The following ATRX variants were observed in gnomAD, a reference collection of about 807,000 sequenced individuals.
ATRX encodes the protein ATRX chromatin remodeler, also known as chromatin remodeler ATRX.
In ATRX, 12 loss-of-function variants were observed where a neutral mutation model predicts 172.6. The ratio of observed to expected loss-of-function variants is 0.07; its 90% CI spans 0.04 to 0.11. ATRX has a LOEUF of 0.11. ATRX is among the 10% of genes least tolerant of loss of function. The pLI is 1.00. For missense variants in ATRX, 1,368 were observed against 1,767.4 expected, an observed-to-expected ratio of 0.77 and a Z score of 4.05; for synonymous variants, 674 against 594.7, an observed-to-expected ratio of 1.13 and a Z score of -1.94.
chrX:77,611,251 C>T (rs1423886871), intron 22 of ATRX, among the ~76,000 whole-genome samples: 2 of 111,294 alleles, frequency 1.8e-5, no homozygotes, highest in Non-Finnish European at 3.8e-5. Context: ...TAAATCTCTG[C>T]ATACATTTCT....
chrX:77,652,655 A>C (rs1557117741), intron 14 of ATRX, among the ~76,000 whole-genome samples: 1 of 108,512 alleles, frequency 9.2e-6, no homozygotes, highest in East Asian at 2.9e-4. Context: ...CAAAAAAAAA[A>C]AATTAGCCGG....
intron 27 of ATRX, among the ~76,000 whole-genome samples, chrX:77,587,537 C>T (rs1349013026): frequency 8.9e-6 from 1 of 111,987 alleles, no homozygotes; most frequent in African/African-American, 3.2e-5. Flanking sequence ...TTCCTTCACA[C>T]TATGATTAGA....
Position 77,682,225 on chromosome X carries a change from A to G in ATRX, c.3031T>C (p.Ser1011Pro). The G allele has an allele frequency of 8.3e-7, 1 of 1,209,667 alleles. No homozygotes were observed. The highest frequency in any genetic ancestry group is 1.7e-5 in the African/African-American group (1 of 57,739). ...AACTTTTCAGTGCCATCAGATGAAGATTCATACTGTTGTTCCATTTTAATT... is the reference window on the plus strand; with the variant it reads ...AACTTTTCAGTGCCATCAGATGAAGGTTCATACTGTTGTTCCATTTTAATT... Reference protein sequence around the residue: ...KVIKMEQQYESSSDGTEKLPE... With the variant: ...KVIKMEQQYEPSSDGTEKLPE... The change falls in exon 9 of 35, where the codon TCT (serine) becomes CCT (proline). Residue 1011 changes from serine (S) to proline (P), a missense_variant. Physicochemically the swap from Ser to Pro is moderately conservative, Grantham distance 74 (BLOSUM62 -1). This residue lies in a region of ATRX where 843 missense variants were observed against 643.1 expected (regional missense o/e 1.31). Coordinates refer to ENST00000373344, the MANE Select transcript of ATRX (RefSeq NM_000489.6).
At chrX:77,675,038 A>C (rs2070797411) in intron 10 of ATRX, 1 of 112,450 alleles carries the variant, frequency 8.9e-6, no homozygotes, top group South Asian at 3.6e-4. Context: ...AATTAGCAGA[A>C]TGCTGACCTT....
chrX:77,630,646 TCTTTTCAACAAATGGTGTTAGAACAA>T (rs2068066121), intron 19 of ATRX, among the ~76,000 whole-genome samples: 1 of 112,076 alleles, frequency 8.9e-6, no homozygotes, highest in Admixed American at 9.5e-5. Context: ...GAAAGAATAG[TCTTTTCAACAAATGGTGTTAGAACAA>T]CTGGATATCA....
At chrX:77,656,480 T>A (rs1557119927) in intron 13 of ATRX, 80 bp downstream of exon 13, 2 of 728,947 alleles carry the variant, frequency 2.7e-6, no homozygotes, top group Non-Finnish European at 4.3e-6. Context: ...ACTTTATTGG[T>A]AACAGTAACC....
At chrX:77,590,426 C>T (rs914932042) in intron 26 of ATRX, among the ~76,000 whole-genome samples, 9 of 109,137 alleles carry the variant, frequency 8.2e-5, no homozygotes, top group African/African-American at 2.7e-4. Context: ...CTGGCTAACA[C>T]GGTGAAATTC....
rs782014998 is a variant in ATRX, at chrX:77,752,916, G to C, written c.20+33066C>G. Among the ~76,000 whole-genome samples, 4 of 111,684 alleles carry C rather than the reference G, an allele frequency of 3.6e-5. No homozygotes were observed. The East Asian group carries it at 8.4e-4, about 24-fold the overall frequency. ...ACATCGATGGTCATCAGGGATATTG[G>C]CCTGAAATTTCCTTTTTTGGTTGTG... is the stretch of plus-strand genomic sequence containing the variant. On this transcript the variant is annotated intron_variant, in intron 1 of 34. Coordinates refer to ENST00000373344, the MANE Select transcript of ATRX (RefSeq NM_000489.6).
chrX:77,623,435 A>G (rs187368952), intron 19 of ATRX, among the ~76,000 whole-genome samples: 1 of 111,731 alleles, frequency 9.0e-6, no homozygotes, highest in East Asian at 2.8e-4. Flanking sequence ...ACCAAGAAAA[A>G]AAAGTCCAGG....
In ATRX at chrX:77,538,739, T is replaced by C. The variant is rs183437464; in HGVS notation, c.6700-15338A>G. ...TGAGGATCAAATAATGTTGGAACTA[T>C]AAGAAACTTTGGAAGTAAGTTAATT... is the stretch of plus-strand genomic sequence containing the variant. On this transcript the variant is annotated intron_variant, in intron 30 of 34. Transcript: ENST00000373344. Among the ~76,000 whole-genome samples the C allele has an allele frequency of 1.6e-4, 18 of 111,733 alleles. No homozygotes were observed. The East Asian group carries it at 5.0e-3, about 31-fold the overall frequency.
intron 30 of ATRX, among the ~76,000 whole-genome samples, chrX:77,533,852 A>G (rs913192711): frequency 8.9e-6 from 1 of 112,181 alleles, no homozygotes; most frequent in East Asian, 2.8e-4. Context: ...CTTTCCGTGG[A>G]TATCATTTTA....
At chrX:77,510,184 C>T (rs1557035901) in intron 34 of ATRX, among the ~76,000 whole-genome samples, 1 of 111,767 alleles carries the variant, frequency 8.9e-6, no homozygotes, top group Admixed American at 9.4e-5. Flanking sequence ...CAGACATAAC[C>T]TGGGCCAGAG....
intron 1 of ATRX, among the ~76,000 whole-genome samples, chrX:77,753,072 A>G (rs2075361639): frequency 9.0e-6 from 1 of 111,404 alleles, no homozygotes; most frequent in Admixed American, 9.6e-5. Flanking sequence ...CTCTGGTATC[A>G]TTCGGCTGTG....
intron 1 of ATRX, among the ~76,000 whole-genome samples, chrX:77,726,452 A>G (rs1205860108): frequency 2.3e-4 from 20 of 86,690 alleles, no homozygotes; most frequent in African/African-American, 8.7e-4. Context: ...GAAGGGGAAC[A>G]TCACACACCG....
chrX:77,704,387 T>G (rs1408606716), intron 2 of ATRX, among the ~76,000 whole-genome samples: 1 of 111,635 alleles, frequency 9.0e-6, no homozygotes, highest in Admixed American at 9.5e-5. Context: ...GGGGAGGATG[T>G]GCATGCCAAT....
chrX:77,599,968 G>C, intron 23 of ATRX, 148 bp from the exon 24 acceptor site: 1 of 500,553 alleles, frequency 2.0e-6, no homozygotes, highest in Admixed American at 3.3e-5. Flanking sequence ...AAAGAAGACA[G>C]GACAGATATG....
chrX:77,774,509 C>T (rs782707264), intron 1 of ATRX, among the ~76,000 whole-genome samples: 1 of 110,417 alleles, frequency 9.1e-6, no homozygotes, highest in Non-Finnish European at 1.9e-5. Flanking sequence ...AAACCCGTCT[C>T]GACTAAAAAT....
chrX:77,572,675 A>G (rs2065460555), intron 28 of ATRX, among the ~76,000 whole-genome samples: 1 of 112,073 alleles, frequency 8.9e-6, no homozygotes, highest in Non-Finnish European at 1.9e-5. Context: ...TGAGTTACTC[A>G]ATAAAATTAC....
chrX:77,725,977 A>G (rs1210193239), intron 1 of ATRX, among the ~76,000 whole-genome samples: 6 of 111,782 alleles, frequency 5.4e-5, no homozygotes, highest in African/African-American at 9.8e-5. Flanking sequence ...GAAACAACAC[A>G]TGCTGGAGAG....
Sources: gnomAD v4.1 joint callset for allele counts (sites outside exome capture counted in the v4.1 genomes callset) on GRCh38, gnomAD v4.1.1 for gene constraint, gnomAD v4.1.1 regional missense constraint, MANE v1.5 for transcripts, NCBI Gene and HGNC (gene_info 2026-07-23, HGNC 2026-07-21) for gene names.